Variants in KRT83 observed in about 807,000 individuals in gnomAD.
The protein encoded by KRT83 is keratin, type II cuticular Hb3.
Under a neutral mutation model 52.9 loss-of-function variants are expected in KRT83, and 51 were observed. That is an observed-to-expected ratio of 0.96 (90% confidence interval 0.77 to 1.22). The LOEUF is 1.22. Among genes scored for constraint, KRT83 ranks in the 50% most tolerant of loss-of-function variants. KRT83 has a pLI of 0.00. For synonymous variants in KRT83, 278 were observed against 274.1 expected (o/e 1.01, Z -0.14); for missense variants, 654 against 666.5 (o/e 0.98, Z 0.21).
Position 52,317,945 on chromosome 12 carries a change from C to T in KRT83, c.619G>A (p.Ala207Thr), listed in dbSNP as rs1325392990. The change falls in exon 3 of 9, where the codon GCC becomes ACC. Residue 207 changes from alanine (A) to threonine (T), a missense_variant. Physicochemically the swap from Ala to Thr is moderately conservative, Grantham distance 58. Transcript: ENST00000293670. ...KKYEEEVALRATAENEFVALK... is the reference protein window; with the variant it reads ...KKYEEEVALRTTAENEFVALK... ...GCCACAAACTCGTTCTCTGCTGTGGCTCGAAGTGCTACTTCTTCTTCATAC... is the reference window on the plus strand; with the variant it reads ...GCCACAAACTCGTTCTCTGCTGTGGTTCGAAGTGCTACTTCTTCTTCATAC... 1 of 1,613,954 alleles carries T rather than the reference C, an allele frequency of 6.2e-7. No homozygotes were observed. The highest frequency in any genetic ancestry group is 8.5e-7 in the Non-Finnish European group (1 of 1,180,040).
rs1403804913 is a variant in KRT83, at chr12:52,314,437, G to T, written c.*194C>A. The T allele has an allele frequency of 6.2e-6, 4 of 649,958 alleles. No individual in the cohort carries two copies. Among genetic ancestry groups the T allele is most frequent in the African/African-American group, 5.4e-5 (3 of 55,920 alleles). 40.3% of individuals were successfully genotyped at this position (649,958 alleles called of 1,614,324 possible). ...GAAGGCTGAGACAGGGGAAGGAATGGGTCTATTCCCCAGCCACAGGCCCCT... is the reference window on the plus strand; with the variant it reads ...GAAGGCTGAGACAGGGGAAGGAATGTGTCTATTCCCCAGCCACAGGCCCCT... On this transcript the variant is annotated 3_prime_UTR_variant, in exon 9 of 9. Coordinates refer to ENST00000293670, the MANE Select transcript of KRT83 (RefSeq NM_002282.3).
intron 7 of KRT83, 71 bp from the exon 8 acceptor site, chr12:52,315,414 T>G (rs1023989034): frequency 1.4e-6 from 2 of 1,455,326 alleles, no homozygotes; most frequent in African/African-American, 1.4e-5. Context: ...TTCCGCTAGG[T>G]GCTGAAATGG....
intron 2 of KRT83, among the ~76,000 whole-genome samples, 182 bp from the exon 3 acceptor site, chr12:52,318,152 A>G (rs1481733715): frequency 6.6e-6 from 1 of 151,988 alleles, no homozygotes; most frequent in East Asian, 1.9e-4. Context: ...GCACTGGAGA[A>G]ATGAAGTGCC....
At chr12:52,318,097 G>A (rs988231367) in intron 2 of KRT83, 127 bp from the exon 3 acceptor site, 5 of 880,244 alleles carry the variant, frequency 5.7e-6, no homozygotes, top group Non-Finnish European at 9.4e-6. Context: ...TGAAATGGGT[G>A]GGGCTCTGCA....
At chr12:52,318,317 A>T (rs1396760905) in intron 2 of KRT83, among the ~76,000 whole-genome samples, 1 of 152,020 alleles carries the variant, frequency 6.6e-6, no homozygotes, top group Admixed American at 6.6e-5. Flanking sequence ...CTGGGACTAC[A>T]GGTGCCCACC....
chr12:52,314,969 C>A lies in KRT83; in HGVS notation c.1295-151G>T, dbSNP rs891899405. The A allele has an allele frequency of 1.9e-5, 16 of 821,560 alleles. No individual in the cohort carries two copies. The Admixed American group carries it at 2.2e-4, about 11-fold the overall frequency. The allele number at this position is 821,560 out of a possible 1,614,324, so 50.9% of individuals were successfully genotyped here. A position where few individuals can be genotyped will look rare whatever the true frequency, so the allele number is the denominator to read the frequency against. Reference sequence around the variant, plus strand: ...GAAGGAGGGAACCCTAGCCTGGGAGCCAGCAGACCGGGGTTCTGGTCCTGG... The same window carrying A: ...GAAGGAGGGAACCCTAGCCTGGGAGACAGCAGACCGGGGTTCTGGTCCTGG... On this transcript the variant is annotated intron_variant, in intron 8 of 8. Transcript: ENST00000293670.
At chr12:52,318,709 G>T (rs2121344293) in intron 2 of KRT83, among the ~76,000 whole-genome samples, 1 of 152,306 alleles carries the variant, frequency 6.6e-6, no homozygotes, top group East Asian at 1.9e-4. Flanking sequence ...GGCTAGATCT[G>T]TGGCTCTGTC....
Position 52,314,643 on chromosome 12 carries a change from CT to C in KRT83, c.1469del (p.Gln490ArgfsTer41). Reference sequence around the variant, plus strand: ...TCTTTTGGGCCACTTAATGCCTCCCCTGGCCGCAGGAGCCCCCTCCACAGGT... The same window carrying C: ...TCTTTTGGGCCACTTAATGCCTCCCCGGCCGCAGGAGCCCCCTCCACAGGT... ...NTTCGGGSCG[Q>X]GRH On this transcript the variant is annotated frameshift_variant, in exon 9 of 9. Transcript: ENST00000293670. LOFTEE classifies it high-confidence loss of function. 6.4e-7 allele frequency: 1 copy of C among 1,568,686 alleles called. No homozygotes were observed. The highest frequency in any genetic ancestry group is 1.2e-5 in the South Asian group (1 of 85,222).
At chr12:52,319,113 C>T (rs760912181) in intron 2 of KRT83, 43 bp downstream of exon 2, 23 of 1,611,926 alleles carry the variant, frequency 1.4e-5, no homozygotes, top group Middle Eastern at 2.1e-4. Flanking sequence ...GAGCTGCCAC[C>T]ATGCTATTTC....
At chr12:52,317,805 C>T (rs781352531) in intron 3 of KRT83, 29 bp from the exon 4 acceptor site, 72 of 1,613,170 alleles carry the variant, frequency 4.5e-5, no homozygotes, top group African/African-American at 6.7e-5. Context: ...GCTGTGAGGC[C>T]GGCTTTCCTC....
intron 4 of KRT83, 32 bp from the exon 5 acceptor site, chr12:52,317,055 A>G (rs1426998416): frequency 5.6e-6 from 9 of 1,613,988 alleles, no homozygotes; most frequent in Non-Finnish European, 7.6e-6. Context: ...AGGACAACTC[A>G]CTTATCTGGG....
chr12:52,314,469 TG>T lies in KRT83; in HGVS notation c.*161del. The T allele has an allele frequency of 1.4e-6, 1 of 714,096 alleles. No individual in the cohort carries two copies. Among genetic ancestry groups the T allele is most frequent in the Non-Finnish European group, 2.5e-6 (1 of 402,826 alleles). 44.2% of individuals were successfully genotyped at this position (714,096 alleles called of 1,614,324 possible). On this transcript the variant is annotated 3_prime_UTR_variant, in exon 9 of 9. Coordinates refer to ENST00000293670, the MANE Select transcript of KRT83 (RefSeq NM_002282.3). ...TCCCCAGCCACAGGCCCCTTTCCAG[TG>T]GGATGAAAGGTGGGGAGGAGCCGCT... is the stretch of plus-strand genomic sequence containing the variant.
At chr12:52,315,207 G>C (rs984930937) in intron 8 of KRT83, 105 bp downstream of exon 8, 7 of 1,200,014 alleles carry the variant, frequency 5.8e-6, no homozygotes, top group Non-Finnish European at 8.7e-6. Flanking sequence ...TCTTTACTGG[G>C]GGAATTATTG....
rs1185946853 is a variant in KRT83 at position 52,315,958 on chromosome 12, G to A, written c.1197C>T (p.Asn399=). Residue 399 remains asparagine, a synonymous_variant, in exon 7 of 9, where the codon AAC becomes AAT. Transcript: ENST00000293670. ...CLIREYQEVM[N]SKLGLDIEIA... is the part of the protein sequence containing the mutation. ...TCTCGATATCCAGGCCTAGCTTGGAGTTCATCACCTCCTGGTACTCCCTGA... is the reference window on the plus strand; with the variant it reads ...TCTCGATATCCAGGCCTAGCTTGGAATTCATCACCTCCTGGTACTCCCTGA... 1 of 1,612,870 alleles carries A rather than the reference G, an allele frequency of 6.2e-7. No homozygotes were observed. The highest frequency in any genetic ancestry group is 8.5e-7 in the Non-Finnish European group (1 of 1,179,928).
At position 52,319,152 on chromosome 12, in the gene KRT83, T is replaced by C. The variant is rs1346345869; in HGVS notation, c.593+4A>G. 3.7e-6 allele frequency: 6 copies of C among 1,612,864 alleles called. No individual in the cohort carries two copies. The highest frequency in any genetic ancestry group is 5.1e-6 in the Non-Finnish European group (6 of 1,179,850). Reference sequence around the variant, plus strand: ...TGCCCAGAACCCCTCCTGCCCACACTCACTTCTTCTTGTAGCCCTCCAGCA... The same window carrying C: ...TGCCCAGAACCCCTCCTGCCCACACCCACTTCTTCTTGTAGCCCTCCAGCA... On this transcript the variant is annotated splice_donor_region_variant and intron_variant, in intron 2 of 8. Transcript: ENST00000293670.
chr12:52,319,010 A>C, intron 2 of KRT83, 146 bp downstream of exon 2: 1 of 1,191,638 alleles, frequency 8.4e-7, no homozygotes, highest in Admixed American at 1.8e-5. Flanking sequence ...CCCACACCCA[A>C]GGGACCCCTG....
Position 52,316,928 on chromosome 12 carries a change from C to G in KRT83, c.846G>C (p.Glu282Asp), listed in dbSNP as rs780972860. The part of the protein sequence containing the change: ...RDLNMDCIVA[E>D]IKAQYDDIAT... ...CAATGTCATCATACTGTGCCTTGAT[C>G]TCGGCAACGATGCAGTCCATGTTCA... Residue 282 changes from glutamate to aspartate, a missense_variant, in exon 5 of 9, where the codon GAG becomes GAC. Transcript: ENST00000293670. 4.3e-6 allele frequency: 7 copies of G among 1,614,240 alleles called. No individual in the cohort carries two copies. In the Admixed American group the frequency reaches 1.2e-4, roughly 27 times the overall value.
chr12:52,319,233 C>T lies in KRT83; in HGVS notation c.516G>A (p.Glu172=), dbSNP rs780885951. ...GYIETLRREA[E]CVEADSGRLA... is the part of the protein sequence containing the mutation. Reference sequence around the variant, plus strand: ...GCCTCCCACTGTCAGCCTCCACGCACTCGGCCTCCCGCCGCAGAGTCTCGA... The same window carrying T: ...GCCTCCCACTGTCAGCCTCCACGCATTCGGCCTCCCGCCGCAGAGTCTCGA... The change falls in exon 2 of 9, where the codon GAG becomes GAA. Residue 172 remains glutamate (E), a synonymous_variant. Transcript: ENST00000293670. The T allele has an allele frequency of 1.2e-6, 2 of 1,613,844 alleles. No homozygotes were observed. The highest frequency in any genetic ancestry group is 1.7e-6 in the Non-Finnish European group (2 of 1,179,904).
chr12:52,315,995 A>T lies in KRT83; in HGVS notation c.1160T>A (p.Met387Lys), dbSNP rs774787911. 8 of 1,613,286 alleles carry T rather than the reference A, an allele frequency of 5.0e-6. No homozygotes were observed. The South Asian group carries it at 8.8e-5, about 18-fold the overall frequency. The change falls in exon 7 of 9, where the codon ATG (methionine) becomes AAG (lysine). Residue 387 changes from methionine to lysine, a missense_variant. Transcript: ENST00000293670. The part of the protein sequence containing the change: ...EGALQKAKQD[M>K]ACLIREYQEV... ...CTGGTACTCCCTGATCAGGCAGGCC[A>T]TGTCTTGCTTGGCCTTCTGCAGGGC...
Sources: gnomAD v4.1 joint callset for allele counts (sites outside exome capture counted in the v4.1 genomes callset) on GRCh38, gnomAD v4.1.1 for gene constraint, MANE v1.5 for transcripts, NCBI Gene and HGNC (gene_info 2026-07-23, HGNC 2026-07-21) for gene names.